Variants in ABCC5 observed in about 807,000 individuals in gnomAD.
ABCC5 encodes ATP binding cassette subfamily C member 5, also known as ATP-binding cassette sub-family C member 5.
A neutral mutation model predicts 160.9 loss-of-function variants in ABCC5; 61 were observed. That is an observed-to-expected ratio of 0.38 (90% CI 0.31 to 0.47). The LOEUF (loss-of-function observed/expected upper bound fraction) is 0.47. ABCC5 is among the 20% of genes least tolerant of loss of function. ABCC5 has a pLI of 0.99. For missense variants in ABCC5, 1,308 were observed against 1,813.3 expected, an observed-to-expected ratio of 0.72 and a Z score of 5.06; for synonymous variants, 666 against 700.6, an observed-to-expected ratio of 0.95 and a Z score of 0.78.
rs1473902354 is a variant in ABCC5, at chr3:183,987,620, A to G, written c.591+150T>C. ...TTTCATCCTTCCAGCTGTTGCCAAA[A>G]TCCATCGACCCCTTTCAACAGACCT... On this transcript the variant is annotated intron_variant, in intron 5 of 29. Transcript: ENST00000334444. This position sits in a 1 kb window ranked among gnomAD's most constrained non-coding sequence, Gnocchi z 4.2. 3.7e-6 allele frequency: 4 copies of G among 1,071,852 alleles called. No individual in the cohort carries two copies. The East Asian group carries it at 7.8e-5, about 21-fold the overall frequency. The allele number at this position is 1,071,852 out of a possible 1,614,324, so 66.4% of individuals were successfully genotyped here. A position where few individuals can be genotyped will look rare whatever the true frequency, so the allele number is the denominator to read the frequency against.
At chr3:184,000,219 C>G (rs1720636251) in intron 2 of ABCC5, among the ~76,000 whole-genome samples, 1 of 151,712 alleles carries the variant, frequency 6.6e-6, no homozygotes, top group African/African-American at 2.4e-5. Flanking sequence ...AAAGGGACAC[C>G]GTTAGCCCCA....
At chr3:183,925,289 T>G (rs904429626) in intron 29 of ABCC5, among the ~76,000 whole-genome samples, 2 of 152,212 alleles carry the variant, frequency 1.3e-5, no homozygotes, top group African/African-American at 2.4e-5. Context: ...AATCACTAAG[T>G]ACATGTACTC....
intron 8 of ABCC5, among the ~76,000 whole-genome samples, chr3:183,979,251 C>T (rs772033100): frequency 6.6e-6 from 1 of 151,094 alleles, no homozygotes; most frequent in Non-Finnish European, 1.5e-5. Flanking sequence ...AGGCTGAGGC[C>T]GGAGAATTGC....
intron 25 of ABCC5, among the ~76,000 whole-genome samples, chr3:183,939,339 A>G (rs1714064895): frequency 6.6e-6 from 1 of 152,226 alleles, no homozygotes; most frequent in African/African-American, 2.4e-5. Flanking sequence ...AAGCTAAGGC[A>G]GGAGAATCAC....
At chr3:183,954,119 T>C (rs191632599) in intron 17 of ABCC5, among the ~76,000 whole-genome samples, 1 of 151,886 alleles carries the variant, frequency 6.6e-6, no homozygotes, top group East Asian at 1.9e-4. Flanking sequence ...AAAGACTCCA[T>C]GCAGGAAAGT....
intron 2 of ABCC5, among the ~76,000 whole-genome samples, chr3:183,993,544 A>G (rs996104924): frequency 2.0e-5 from 3 of 151,850 alleles, no homozygotes; most frequent in African/African-American, 7.3e-5. Flanking sequence ...CCAGGAATAC[A>G]CATTTTTAAT....
intron 2 of ABCC5, among the ~76,000 whole-genome samples, chr3:184,000,407 G>A (rs901981687): frequency 3.3e-5 from 5 of 151,876 alleles, no homozygotes; most frequent in Admixed American, 6.6e-5. Flanking sequence ...AATATATTTC[G>A]AGTAGTGGAC....
chr3:183,951,793 G>T lies in ABCC5; in HGVS notation c.2814+64C>A. Reference sequence around the variant, plus strand: ...CCCTACTCAGCATGAACTGAGAGACGCCACACCAAAGCCTGACCACAGGTC... The same window carrying T: ...CCCTACTCAGCATGAACTGAGAGACTCCACACCAAAGCCTGACCACAGGTC... On this transcript the variant is annotated intron_variant, in intron 19 of 29. Coordinates refer to ENST00000334444, the MANE Select transcript of ABCC5 (RefSeq NM_005688.4). This position sits in a 1 kb window ranked among gnomAD's most constrained non-coding sequence, Gnocchi z 4.7. 1 of 1,579,340 alleles carries T rather than the reference G, an allele frequency of 6.3e-7. No homozygotes were observed. The highest frequency in any genetic ancestry group is 8.6e-7 in the Non-Finnish European group (1 of 1,159,978).
rs1424245944 is a variant in ABCC5 at position 183,988,114 on chromosome 3, G to A, written c.444-197C>T. On this transcript the variant is annotated intron_variant, in intron 4 of 29. Coordinates refer to ENST00000334444, the MANE Select transcript of ABCC5 (RefSeq NM_005688.4). This position sits in a 1 kb window ranked among gnomAD's most constrained non-coding sequence, Gnocchi z 4.4. Reference sequence around the variant, plus strand: ...ACTACACATTTACCCTGTATAAGGAGCCTCCCAGGATACAGAAAATGATGA... The same window carrying A: ...ACTACACATTTACCCTGTATAAGGAACCTCCCAGGATACAGAAAATGATGA... 1.1e-4 allele frequency among the ~76,000 whole-genome samples: 17 copies of A among 152,138 alleles called. No individual in the cohort carries two copies. The highest frequency in any genetic ancestry group is 1.1e-3 in the Admixed American group (17 of 15,276).
intron 5 of ABCC5, 128 bp from the exon 6 acceptor site, chr3:183,983,135 T>C (rs1452410895): frequency 4.8e-6 from 4 of 825,472 alleles, no homozygotes; most frequent in East Asian, 2.7e-5. Flanking sequence ...AAGCAAAACT[T>C]TGGAAGACCC....
At chr3:183,976,210 CCT>C (rs1001204532) in intron 10 of ABCC5, among the ~76,000 whole-genome samples, 5 of 151,988 alleles carry the variant, frequency 3.3e-5, no homozygotes, top group African/African-American at 1.2e-4. Context: ...TCCCTCCCTT[CCT>C]TTTTCTTTCT....
At chr3:183,977,864 T>C (rs1224593533) in intron 9 of ABCC5, among the ~76,000 whole-genome samples, 1 of 152,168 alleles carries the variant, frequency 6.6e-6, no homozygotes, top group Non-Finnish European at 1.5e-5. Flanking sequence ...GCAATTCTCC[T>C]GCCTCAGCCT....
chr3:184,013,265 AT>A (rs973218225), intron 2 of ABCC5, among the ~76,000 whole-genome samples: 3 of 151,858 alleles, frequency 2.0e-5, no homozygotes, highest in African/African-American at 7.3e-5. Flanking sequence ...TTTATTTTTT[AT>A]TTTTTTGGAG....
At chr3:183,992,818 A>G (rs1159239018) in intron 2 of ABCC5, among the ~76,000 whole-genome samples, 1 of 152,122 alleles carries the variant, frequency 6.6e-6, no homozygotes, top group African/African-American at 2.4e-5. Flanking sequence ...AAAAAATAAA[A>G]GAAGAAAAAG....
intron 18 of ABCC5, 100 bp from the exon 19 acceptor site, chr3:183,952,103 T>C (rs1715414758): frequency 7.9e-7 from 1 of 1,265,150 alleles, no homozygotes; most frequent in Non-Finnish European, 1.1e-6. Context: ...GGGTACAGGA[T>C]AATGACCCAC....
At chr3:183,946,029 C>T (rs1365088583) in intron 23 of ABCC5, 90 bp from the exon 24 acceptor site, 2 of 1,205,292 alleles carry the variant, frequency 1.7e-6, no homozygotes, top group African/African-American at 1.5e-5. Flanking sequence ...TAGAGGACTA[C>T]TAAGAACTGA....
At chr3:183,980,636 T>C (rs1173182132) in intron 8 of ABCC5, among the ~76,000 whole-genome samples, 3 of 151,994 alleles carry the variant, frequency 2.0e-5, no homozygotes, top group Non-Finnish European at 2.9e-5. Context: ...AAATGTAGAT[T>C]CCAGAATTGG....
rs1186827112 is a variant in ABCC5, at chr3:183,982,513, T to A, written c.937A>T (p.Ile313Phe). Residue 313 changes from isoleucine to phenylalanine, a missense_variant, in exon 7 of 30, where the codon ATT (isoleucine) becomes TTT (phenylalanine). By Grantham distance (21) the Ile-to-Phe change is conservative. Transcript: ENST00000334444. The surrounding 1 kb of genome is among the most constrained non-coding windows in gnomAD (Gnocchi z 5.2). ...VAILGMIYNV[I>F]ILGPTGFLGS... The stretch of plus-strand genomic sequence containing the variant: ...AGGAAGCCTGTTGGTCCCAGAATAA[T>A]TACATTATAAATCATGCCTAAGATG... 1 of 1,614,084 alleles carries A rather than the reference T, an allele frequency of 6.2e-7. No individual in the cohort carries two copies. The highest frequency in any genetic ancestry group is 1.1e-5 in the South Asian group (1 of 91,066).
chr3:183,995,425 A>G (rs888118223), intron 2 of ABCC5, among the ~76,000 whole-genome samples: 9 of 152,128 alleles, frequency 5.9e-5, no homozygotes, highest in Non-Finnish European at 1.3e-4. Flanking sequence ...TTTACATTTT[A>G]TATTTAAATC....
Sources: gnomAD v4.1 joint callset for allele counts (sites outside exome capture counted in the v4.1 genomes callset) on GRCh38, gnomAD v4.1.1 for gene constraint, Gnocchi (gnomAD v3.1) non-coding constraint, MANE v1.5 for transcripts, NCBI Gene and HGNC (gene_info 2026-07-23, HGNC 2026-07-21) for gene names.